ASZ1: variants seen among roughly 807,000 people sequenced by gnomAD.
ASZ1 encodes the protein ankyrin repeat, SAM and basic leucine zipper domain containing 1, also known as ankyrin repeat, SAM and basic leucine zipper domain-containing protein 1.
ASZ1 carries 67 observed loss-of-function variants against 61.8 expected under a neutral mutation model. That is an observed-to-expected ratio of 1.08 (90% CI 0.89 to 1.33). ASZ1 has a LOEUF of 1.33. Among genes scored for constraint, ASZ1 ranks in the 40% most tolerant of loss-of-function variants. The pLI is 0.00. For synonymous variants in ASZ1, 193 were observed against 192.7 expected (o/e 1.00, Z -0.01); for missense variants, 577 against 554.5 (o/e 1.04, Z -0.41).
chr7:117,423,687 T>TAAAAAAA (rs1413276323), intron 2 of ASZ1, among the ~76,000 whole-genome samples: 2 of 37,232 alleles, frequency 5.4e-5, no homozygotes, highest in African/African-American at 8.1e-5. Flanking sequence ...CTACTAAAAA[T>TAAAAAAA]ACAAAAAAAA....
At chr7:117,381,470 C>T (rs1311352858) in intron 8 of ASZ1, among the ~76,000 whole-genome samples, 3 of 152,034 alleles carry the variant, frequency 2.0e-5, no homozygotes, top group African/African-American at 7.2e-5. Context: ...CAATGAAGCA[C>T]AACTCTGAAA....
Position 117,382,969 on chromosome 7 carries a change from A to G in ASZ1, c.812+17T>C. On this transcript the variant is annotated intron_variant, in intron 7 of 12. Coordinates refer to ENST00000284629, the MANE Select transcript of ASZ1 (RefSeq NM_130768.3). The stretch of plus-strand genomic sequence containing the variant: ...TTACTTATAGGTATTCTGTTGAACT[A>G]AAACATGCTATATTACCTAAAAATG... 1.3e-6 allele frequency: 2 copies of G among 1,539,186 alleles called. No individual in the cohort carries two copies. The highest frequency in any genetic ancestry group is 1.7e-6 in the Non-Finnish European group (2 of 1,146,230).
chr7:117,378,860 C>T (rs1323123297), intron 10 of ASZ1, among the ~76,000 whole-genome samples: 7 of 151,670 alleles, frequency 4.6e-5, no homozygotes, highest in African/African-American at 1.7e-4. Flanking sequence ...AAGGAATTAA[C>T]TATTGTACTG....
chr7:117,410,214 T>C (rs999563688), intron 4 of ASZ1, among the ~76,000 whole-genome samples: 22 of 151,724 alleles, frequency 1.5e-4, no homozygotes, highest in African/African-American at 5.3e-4. Context: ...AAAACAATTT[T>C]ACATGATATT....
chr7:117,427,245 A>C, intron 1 of ASZ1, 111 bp downstream of exon 1: 3 of 1,220,930 alleles, frequency 2.5e-6, no homozygotes, highest in Non-Finnish European at 3.6e-6. Flanking sequence ...TCCACTGGGT[A>C]AAAGGGAAAT....
intron 12 of ASZ1, among the ~76,000 whole-genome samples, chr7:117,365,924 A>C (rs1341887069): frequency 6.6e-6 from 1 of 152,238 alleles, no homozygotes; most frequent in Non-Finnish European, 1.5e-5. Flanking sequence ...CCCAGCTATT[A>C]TTTTGTATAA....
In ASZ1 at chr7:117,363,552, G is replaced by C. The variant is rs1337504256; in HGVS notation, c.*44C>G. On this transcript the variant is annotated 3_prime_UTR_variant, in exon 13 of 13. Coordinates refer to ENST00000284629, the MANE Select transcript of ASZ1 (RefSeq NM_130768.3). ...CAGTTAAAAGCAATGATTTTTGGAT[G>C]GTTCAATAAGATGTGTATATATAAC... 6.5e-6 allele frequency: 9 copies of C among 1,386,040 alleles called. No individual in the cohort carries two copies. Among genetic ancestry groups the C allele is most frequent in the Non-Finnish European group, 7.7e-6 (8 of 1,044,632 alleles). The allele number at this position is 1,386,040 out of a possible 1,614,324, so 85.9% of individuals were successfully genotyped here.
rs759094240 is a variant in ASZ1 at position 117,420,209 on chromosome 7, C to T, written c.394G>A (p.Val132Ile). ...GCATTTCTTGAAAGTAGTAGTTCTA[C>T]ACACTTCAAGATCTGTTCCTCTGAG... Reference protein sequence around the residue: ...HGSEEQILKCVELLLSRNADP... With the variant: ...HGSEEQILKCIELLLSRNADP... The change falls in exon 4 of 13, where the codon GTA becomes ATA. Residue 132 changes from valine to isoleucine, a missense_variant. Physicochemically the swap from Val to Ile is conservative, Grantham distance 29. Coordinates refer to ENST00000284629, the MANE Select transcript of ASZ1 (RefSeq NM_130768.3). 3.7e-6 allele frequency: 6 copies of T among 1,612,572 alleles called. No homozygotes were observed. The East Asian group carries it at 8.9e-5, about 24-fold the overall frequency.
rs1225587705 is a variant in ASZ1 at position 117,363,689 on chromosome 7, TG to T, written c.1334del (p.Thr445AsnfsTer7). 1.2e-6 allele frequency: 2 copies of T among 1,606,814 alleles called. No homozygotes were observed. The highest frequency in any genetic ancestry group is 2.7e-5 in the African/African-American group (2 of 74,718). ...THIQLREEVS[T>X]WNSRILKRTA... ...TCCTCTTCAAAATTCTACTATTCCA[TG>T]TAGATACTTCTTCCCTTAATTGTAT... On this transcript the variant is annotated frameshift_variant, in exon 13 of 13. Transcript: ENST00000284629. LOFTEE classifies it high-confidence loss of function.
intron 4 of ASZ1, among the ~76,000 whole-genome samples, chr7:117,405,714 T>C (rs547164671): frequency 6.6e-6 from 1 of 152,270 alleles, no homozygotes; most frequent in African/African-American, 2.4e-5. Flanking sequence ...GTGTGGGACC[T>C]CTACTGACTC....
chr7:117,393,012 A>G (rs1584729821), intron 4 of ASZ1, among the ~76,000 whole-genome samples: 2 of 152,072 alleles, frequency 1.3e-5, no homozygotes. Flanking sequence ...ATGCCTGGCT[A>G]ATTTTTGGTA....
At chr7:117,426,258 G>A (rs1279162424) in intron 2 of ASZ1, among the ~76,000 whole-genome samples, 1 of 150,786 alleles carries the variant, frequency 6.6e-6, no homozygotes, top group Non-Finnish European at 1.5e-5. Context: ...GAGACAGGCG[G>A]ATCACAAGGT....
chr7:117,426,504 A>AG lies in ASZ1; in HGVS notation c.205+331_205+332insC, dbSNP rs1797217498. 4.0e-5 allele frequency among the ~76,000 whole-genome samples: 6 copies of AG among 150,544 alleles called. 1 individual carries two copies. The South Asian group carries it at 8.4e-4, about 21-fold the overall frequency. On this transcript the variant is annotated intron_variant, in intron 2 of 12. Coordinates refer to ENST00000284629, the MANE Select transcript of ASZ1 (RefSeq NM_130768.3). The stretch of plus-strand genomic sequence containing the variant: ...ATAACATCTCAAAAAAAAAAAAAAA[A>AG]AAAAAAGAAAAAGAAAAGAAAAAAG...
intron 4 of ASZ1, among the ~76,000 whole-genome samples, chr7:117,387,048 C>G (rs1228883821): frequency 6.6e-6 from 1 of 150,480 alleles, no homozygotes; most frequent in Non-Finnish European, 1.5e-5. Flanking sequence ...GGCCTGTAAT[C>G]TTACCACTTG....
At position 117,380,182 on chromosome 7, in the gene ASZ1, C is replaced by G. The variant is rs1404419227; in HGVS notation, c.946-135G>C. The stretch of plus-strand genomic sequence containing the variant: ...CATATATTGGAAAAATAACACACTT[C>G]TAAAAAATATGTTTTTCTTATAACT... On this transcript the variant is annotated intron_variant, in intron 9 of 12. Coordinates refer to ENST00000284629, the MANE Select transcript of ASZ1 (RefSeq NM_130768.3). The G allele has an allele frequency of 3.0e-5, 18 of 599,776 alleles. No homozygotes were observed. In the East Asian group the frequency reaches 5.2e-4, roughly 17 times the overall value. The allele number at this position is 599,776 out of a possible 1,614,324, so 37.2% of individuals were successfully genotyped here. A position where few individuals can be genotyped will look rare whatever the true frequency, so the allele number is the denominator to read the frequency against.
rs191471145 is a variant in ASZ1, at chr7:117,392,770, T to C, written c.441-6961A>G. On this transcript the variant is annotated intron_variant, in intron 4 of 12. Coordinates refer to ENST00000284629, the MANE Select transcript of ASZ1 (RefSeq NM_130768.3). ...TTTCTCTGAATCACACAAGTGCTGA[T>C]ATAAAGGCCTTGTGTTGTCACTTTT... Among the ~76,000 whole-genome samples the C allele has an allele frequency of 2.0e-4, 30 of 152,294 alleles. No homozygotes were observed. The East Asian group carries it at 4.6e-3, about 23-fold the overall frequency.
rs1796239121 is a variant in ASZ1 at position 117,381,040 on chromosome 7, A to C, written c.916T>G (p.Leu306Val). 6.3e-7 allele frequency: 1 copy of C among 1,598,720 alleles called. No homozygotes were observed. Among genetic ancestry groups the C allele is most frequent in the Non-Finnish European group, 8.5e-7 (1 of 1,172,072 alleles). Residue 306 changes from leucine to valine, a missense_variant, in exon 9 of 13, where the codon TTG (leucine) becomes GTG (valine). By Grantham distance (32) the Leu-to-Val change is conservative (BLOSUM62 1). Coordinates refer to ENST00000284629, the MANE Select transcript of ASZ1 (RefSeq NM_130768.3). ...GTAAATTCATCTTCCCTCATGGTCA[A>C]AAGATGTCTTAACGTTATATCCCTT... ...KERDITLRHL[L>V]TMREDEFTKN...
At chr7:117,378,912 G>A (rs1001285610) in intron 10 of ASZ1, among the ~76,000 whole-genome samples, 3 of 150,980 alleles carry the variant, frequency 2.0e-5, no homozygotes, top group Non-Finnish European at 4.4e-5. Flanking sequence ...AAATTAGGAT[G>A]ATTGAAAAAA....
chr7:117,384,698 A>T lies in ASZ1; in HGVS notation c.687+28T>A, dbSNP rs190722424. 2.3e-5 allele frequency: 36 copies of T among 1,583,022 alleles called. No individual in the cohort carries two copies. In the Admixed American group the frequency reaches 6.3e-4, roughly 28 times the overall value. ...AATGATAATGTGATATGCCACAGAA[A>T]ATAAGTTTAATATGTACAGAAGGAT... On this transcript the variant is annotated intron_variant, in intron 6 of 12. Coordinates refer to ENST00000284629, the MANE Select transcript of ASZ1 (RefSeq NM_130768.3).
Sources: allele counts gnomAD v4.1 joint callset (sites outside exome capture counted in the v4.1 genomes callset), GRCh38; gene constraint gnomAD v4.1.1; transcripts MANE v1.5; gene names NCBI Gene and HGNC (gene_info 2026-07-23, HGNC 2026-07-21).